Variants in UMAD1 observed in about 807,000 individuals in gnomAD.
The protein encoded by UMAD1 is UBAP1-MVB12-associated (UMA) domain containing 1.
Under a neutral mutation model 6.1 loss-of-function variants are expected in UMAD1, and 8 were observed. That is an observed-to-expected ratio of 1.30 (90% CI 0.76 to 2.35). The LOEUF (loss-of-function observed/expected upper bound fraction) is 2.35, where lower values mean the gene tolerates loss of function less well. Ranked by LOEUF, UMAD1 falls within the 30% of genes most tolerant of loss-of-function variation. UMAD1 has a pLI of 0.00. For missense variants in UMAD1, 130 were observed against 78.4 expected (o/e 1.66, Z -2.49); for synonymous variants, 56 against 31.4 (o/e 1.78, Z -2.61).
At chr7:7,871,344 C>T (rs532685291) in intron 3 of UMAD1, among the ~76,000 whole-genome samples, 29 of 152,252 alleles carry the variant, frequency 1.9e-4, no homozygotes, top group African/African-American at 6.7e-4. Context: ...TCATTCTATC[C>T]AAAGCATGTC....
rs923519344 is a variant in UMAD1 at position 7,685,449 on chromosome 7, A to G, written c.82+11996A>G. Reference sequence around the variant, plus strand: ...CTCAGCCTTCCGAGTAGCTGGGACTACAGGTGTGCGCCACCACGCCCACCA... The same window carrying G: ...CTCAGCCTTCCGAGTAGCTGGGACTGCAGGTGTGCGCCACCACGCCCACCA... On this transcript the variant is annotated intron_variant, in intron 2 of 3. Transcript: ENST00000682710. Among the ~76,000 whole-genome samples, 15 of 151,884 alleles carry G rather than the reference A, an allele frequency of 9.9e-5. No individual in the cohort carries two copies. The East Asian group carries it at 1.4e-3, about 14-fold the overall frequency.
At position 7,700,515 on chromosome 7, in the gene UMAD1, A is replaced by G. The variant is rs149455011; in HGVS notation, c.82+27062A>G. Among the ~76,000 whole-genome samples, 5 of 152,278 alleles carry G rather than the reference A, an allele frequency of 3.3e-5. No individual in the cohort carries two copies. The East Asian group carries it at 7.7e-4, about 23-fold the overall frequency. On this transcript the variant is annotated intron_variant, in intron 2 of 3. Transcript: ENST00000682710. ...CAATGTGGGAAGATCGCTTGAGGCC[A>G]TAAGTTCTAGACCATACTGGGTAAC...
At chr7:7,688,165 AC>A (rs1780083996) in intron 2 of UMAD1, among the ~76,000 whole-genome samples, 1 of 152,214 alleles carries the variant, frequency 6.6e-6, no homozygotes, top group Admixed American at 6.5e-5. Context: ...TCCCTGCATT[AC>A]ATCAGATTCT....
At chr7:7,865,264 G>A (rs1784204383) in intron 3 of UMAD1, among the ~76,000 whole-genome samples, 1 of 152,204 alleles carries the variant, frequency 6.6e-6, no homozygotes, top group South Asian at 2.1e-4. Context: ...TTGTGAGACT[G>A]ATCCCTGAAC....
chr7:7,785,070 T>C (rs1782435752), intron 2 of UMAD1, among the ~76,000 whole-genome samples: 1 of 152,206 alleles, frequency 6.6e-6, no homozygotes, highest in Non-Finnish European at 1.5e-5. Context: ...CATTTCCAAG[T>C]GTCTAAAGAA....
chr7:7,860,789 T>C (rs7784735), intron 3 of UMAD1, among the ~76,000 whole-genome samples: 1 of 124,642 alleles, frequency 8.0e-6, no homozygotes, highest in Non-Finnish European at 1.9e-5. Context: ...AAAAAAAAAA[T>C]AACAAAAAAA....
intron 1 of UMAD1, among the ~76,000 whole-genome samples, chr7:7,666,394 G>C (rs903244433): frequency 1.3e-5 from 2 of 152,072 alleles, no homozygotes; most frequent in Non-Finnish European, 2.9e-5. Flanking sequence ...TTGTAGTAGA[G>C]ATGGGGTTTT....
At chr7:7,653,913 A>G (rs897908102) in intron 1 of UMAD1, among the ~76,000 whole-genome samples, 3 of 152,226 alleles carry the variant, frequency 2.0e-5, no homozygotes, top group Admixed American at 2.0e-4. Flanking sequence ...GCCTCCCACA[A>G]CAAAGAATTA....
chr7:7,750,478 A>G (rs1196361543), intron 2 of UMAD1, among the ~76,000 whole-genome samples: 1 of 151,960 alleles, frequency 6.6e-6, no homozygotes, highest in East Asian at 1.9e-4. Flanking sequence ...AAATAATAAA[A>G]CTCCACTCCA....
intron 3 of UMAD1, among the ~76,000 whole-genome samples, chr7:7,804,843 C>T (rs575727687): frequency 1.3e-5 from 2 of 149,358 alleles, no homozygotes; most frequent in South Asian, 2.1e-4. Flanking sequence ...TAGCTGGGCA[C>T]GGTGGCCTGC....
At chr7:7,718,497 AT>A (rs1780974755) in intron 2 of UMAD1, 1 of 152,186 alleles carries the variant, frequency 6.6e-6, no homozygotes, top group African/African-American at 2.4e-5. Context: ...TATCCAACAA[AT>A]TCAAACAGAT....
intron 2 of UMAD1, among the ~76,000 whole-genome samples, chr7:7,727,216 G>T (rs1170430237): frequency 6.6e-6 from 1 of 152,128 alleles, no homozygotes; most frequent in Non-Finnish European, 1.5e-5. Context: ...TCCTCTTTTT[G>T]TTAAAAACAT....
chr7:7,721,032 T>C (rs1446306140), intron 2 of UMAD1, among the ~76,000 whole-genome samples: 1 of 152,210 alleles, frequency 6.6e-6, no homozygotes, highest in East Asian at 1.9e-4. Flanking sequence ...GAAATGGCCA[T>C]GTGAGAGAGG....
At chr7:7,850,168 A>G (rs149462232) in intron 3 of UMAD1, among the ~76,000 whole-genome samples, 1 of 152,282 alleles carries the variant, frequency 6.6e-6, no homozygotes, top group East Asian at 1.9e-4. Context: ...AAAACTATCT[A>G]TCCCCATGAC....
intron 2 of UMAD1, among the ~76,000 whole-genome samples, chr7:7,715,456 C>T (rs1185694641): frequency 2.0e-5 from 3 of 152,164 alleles, no homozygotes; most frequent in Admixed American, 1.3e-4. Context: ...GAAGTGCACT[C>T]TTATTTCAAT....
At chr7:7,855,695 G>A (rs1217135138) in intron 3 of UMAD1, among the ~76,000 whole-genome samples, 1 of 152,198 alleles carries the variant, frequency 6.6e-6, no homozygotes, top group Non-Finnish European at 1.5e-5. Flanking sequence ...TTTCCTCATT[G>A]TTGGGTATTT....
At chr7:7,666,577 C>T (rs1040579596) in intron 1 of UMAD1, among the ~76,000 whole-genome samples, 19 of 152,048 alleles carry the variant, frequency 1.2e-4, no homozygotes, top group African/African-American at 4.1e-4. Context: ...TTCTAATTTA[C>T]TTTTCCTTGT....
intron 3 of UMAD1, among the ~76,000 whole-genome samples, chr7:7,815,609 A>G (rs1783110730): frequency 6.6e-6 from 1 of 152,172 alleles, no homozygotes; most frequent in Non-Finnish European, 1.5e-5. Context: ...AGCTCCAGCC[A>G]TCATATCTAT....
intron 2 of UMAD1, among the ~76,000 whole-genome samples, chr7:7,756,176 G>A (rs1781772010): frequency 6.6e-6 from 1 of 152,176 alleles, no homozygotes; most frequent in Admixed American, 6.5e-5. Context: ...GGAAAATGAA[G>A]ATAGCCTTTT....
Sources: allele counts gnomAD v4.1 joint callset (sites outside exome capture counted in the v4.1 genomes callset), GRCh38; gene constraint gnomAD v4.1.1; transcripts MANE v1.5; gene names NCBI Gene and HGNC (gene_info 2026-07-23, HGNC 2026-07-21).